Variants in DGKB observed in about 807,000 individuals in gnomAD.
The protein encoded by DGKB is diacylglycerol kinase beta, also known as 90 kDa diacylglycerol kinase.
Under a neutral mutation model 114.3 loss-of-function variants are expected in DGKB, and 67 were observed. The ratio of observed to expected loss-of-function variants is 0.59; its 90% CI spans 0.48 to 0.72. The LOEUF is 0.72. Ranked by LOEUF, DGKB falls within the 30% of genes least tolerant of loss-of-function variation. The pLI, the probability that DGKB is intolerant of heterozygous loss-of-function variation, is 0.00. For synonymous variants in DGKB, 398 were observed against 323.1 expected (o/e 1.23, Z -2.49); for missense variants, 907 against 975.2 (o/e 0.93, Z 0.93).
At position 14,477,704 on chromosome 7, in the gene DGKB, T is replaced by A. The variant is rs1189020481; in HGVS notation, c.1835+457A>T. ...TGTCTCTAAAAATAATTTATATTGG[T>A]ATTGATATTACTATAATTTCTTTTG... On this transcript the variant is annotated intron_variant, in intron 21 of 25. Coordinates refer to ENST00000402815, the MANE Select transcript of DGKB (RefSeq NM_001350709.2). 3.9e-5 allele frequency among the ~76,000 whole-genome samples: 6 copies of A among 152,196 alleles called. No individual in the cohort carries two copies. The East Asian group carries it at 1.2e-3, about 29-fold the overall frequency.
Position 14,605,559 on chromosome 7 carries a change from T to C in DGKB, c.1433+1875A>G, listed in dbSNP as rs373289441. On this transcript the variant is annotated intron_variant, in intron 17 of 25. Transcript: ENST00000402815. ...ATTTTTTTCTAAATAATATTCATTG[T>C]AGTGTAGACTTTTTACAGTTACATA... Among the ~76,000 whole-genome samples, 6 of 151,762 alleles carry C rather than the reference T, an allele frequency of 4.0e-5. No homozygotes were observed. In the Admixed American group the frequency reaches 4.0e-4, roughly 10 times the overall value.
intron 3 of DGKB, among the ~76,000 whole-genome samples, chr7:14,756,188 C>A (rs1451383926): frequency 6.6e-6 from 1 of 151,984 alleles, no homozygotes; most frequent in Non-Finnish European, 1.5e-5. Context: ...CAGGTTTTAT[C>A]TCTGTATATA....
chr7:14,269,053 T>C (rs1415882259), intron 23 of DGKB: 1 of 152,154 alleles, frequency 6.6e-6, no homozygotes, highest in African/African-American at 2.4e-5. Context: ...CTGATCTGAT[T>C]CCATGATGGC....
intron 23 of DGKB, among the ~76,000 whole-genome samples, chr7:14,280,529 G>A (rs560806778): frequency 3.4e-5 from 5 of 148,180 alleles, no homozygotes; most frequent in South Asian, 2.2e-4. Flanking sequence ...GATACTCCTC[G>A]AGAAGAGCAA....
chr7:14,850,370 C>T (rs944813701), intron 1 of DGKB, among the ~76,000 whole-genome samples: 4 of 151,856 alleles, frequency 2.6e-5, no homozygotes, highest in Non-Finnish European at 2.9e-5. Flanking sequence ...TTACTGGAAT[C>T]GATTTTAAAG....
chr7:14,779,785 A>G, intron 2 of DGKB, among the ~76,000 whole-genome samples: 1 of 152,130 alleles, frequency 6.6e-6, no homozygotes, highest in East Asian at 1.9e-4. Context: ...TTCTGGTTTT[A>G]GTCTTCTGAT....
chr7:14,673,774 G>C (rs1819396266), intron 12 of DGKB, among the ~76,000 whole-genome samples: 1 of 151,946 alleles, frequency 6.6e-6, no homozygotes, highest in Non-Finnish European at 1.5e-5. Flanking sequence ...GTTTTTTAAA[G>C]AATTACACAG....
chr7:14,542,777 G>C (rs17168250), intron 20 of DGKB, among the ~76,000 whole-genome samples: 5,236 of 152,240 alleles, frequency 0.034, 194 homozygotes, highest in East Asian at 0.2. Context: ...CACTCACTTA[G>C]CAATCGCATC....
chr7:14,587,780 A>C lies in DGKB; in HGVS notation c.1434-4643T>G, dbSNP rs897154899. On this transcript the variant is annotated intron_variant, in intron 17 of 25. Transcript: ENST00000402815. ...CCTGGAGGCTCACATGATTGTTACT[A>C]ATTTTTCGCAATGAATTATTTTTAA... is the stretch of plus-strand genomic sequence containing the variant. Among the ~76,000 whole-genome samples, 8 of 152,160 alleles carry C rather than the reference A, an allele frequency of 5.3e-5. No individual in the cohort carries two copies. In the South Asian group the frequency reaches 1.7e-3, roughly 31 times the overall value.
chr7:14,673,923 A>C (rs1163959243), intron 12 of DGKB, among the ~76,000 whole-genome samples: 9 of 152,148 alleles, frequency 5.9e-5, no homozygotes, highest in Admixed American at 5.9e-4. Context: ...CAAAACAAAA[A>C]AGAGCCACAT....
chr7:14,486,677 G>T (rs2128923585), intron 20 of DGKB, among the ~76,000 whole-genome samples: 1 of 152,166 alleles, frequency 6.6e-6, no homozygotes, highest in African/African-American at 2.4e-5. Context: ...AACGAACAAG[G>T]GCAGAGAGAA....
At chr7:14,427,377 A>C (rs1428071550) in intron 21 of DGKB, among the ~76,000 whole-genome samples, 1 of 152,070 alleles carries the variant, frequency 6.6e-6, no homozygotes, top group Non-Finnish European at 1.5e-5. Context: ...CCATTCAACA[A>C]GTCTCTAGGG....
At chr7:14,550,258 A>G (rs982592922) in intron 20 of DGKB, among the ~76,000 whole-genome samples, 1 of 152,168 alleles carries the variant, frequency 6.6e-6, no homozygotes, top group Non-Finnish European at 1.5e-5. Context: ...TTTCTAAAAT[A>G]CTTATTTACT....
In DGKB at chr7:14,147,058, C is replaced by CT. The variant is rs1781552390; in HGVS notation, c.*2072dup. 1 of 152,094 alleles carries CT rather than the reference C, an allele frequency of 6.6e-6. No individual in the cohort carries two copies. Among genetic ancestry groups the CT allele is most frequent in the Non-Finnish European group, 1.5e-5 (1 of 67,986 alleles). 9.4% of individuals were successfully genotyped at this position (152,094 alleles called of 1,614,324 possible). ...AATATGTTTTTGACACAAAGCCTGC[C>CT]TGCCCATTGTAGAAAATTTTGTCAA... is the stretch of plus-strand genomic sequence containing the variant. On this transcript the variant is annotated 3_prime_UTR_variant, in exon 26 of 26. Coordinates refer to ENST00000402815, the MANE Select transcript of DGKB (RefSeq NM_001350709.2).
intron 1 of DGKB, among the ~76,000 whole-genome samples, chr7:14,931,578 G>A (rs1311116853): frequency 1.3e-5 from 2 of 152,118 alleles, no homozygotes; most frequent in Non-Finnish European, 2.9e-5. Flanking sequence ...GACCATTGCT[G>A]TGCTGAGATC....
intron 21 of DGKB, among the ~76,000 whole-genome samples, chr7:14,439,263 C>T (rs1305032999): frequency 6.6e-6 from 1 of 152,074 alleles, no homozygotes; most frequent in Non-Finnish European, 1.5e-5. Context: ...AATGTATCTT[C>T]TCAAGATACT....
intron 10 of DGKB, among the ~76,000 whole-genome samples, chr7:14,684,883 G>C (rs1050498816): frequency 6.6e-6 from 1 of 151,710 alleles, no homozygotes; most frequent in African/African-American, 2.4e-5. Flanking sequence ...TGTGAATAAA[G>C]TCACTAACAT....
intron 20 of DGKB, among the ~76,000 whole-genome samples, chr7:14,534,149 A>G (rs1792040051): frequency 6.6e-6 from 1 of 152,088 alleles, no homozygotes; most frequent in East Asian, 1.9e-4. Context: ...GTAAACTCTG[A>G]TAACAATAAC....
At chr7:14,811,163 C>T (rs1586666277) in intron 2 of DGKB, among the ~76,000 whole-genome samples, 1 of 152,116 alleles carries the variant, frequency 6.6e-6, no homozygotes, top group Non-Finnish European at 1.5e-5. Flanking sequence ...CGCTGAAATA[C>T]GCCAGATTTC....
Sources: gnomAD v4.1 joint callset for allele counts (sites outside exome capture counted in the v4.1 genomes callset) on GRCh38, gnomAD v4.1.1 for gene constraint, MANE v1.5 for transcripts, NCBI Gene and HGNC (gene_info 2026-07-23, HGNC 2026-07-21) for gene names.